DLGAP2: variants seen among roughly 807,000 people sequenced by gnomAD.
DLGAP2 encodes the protein disks large-associated protein 2.
A neutral mutation model predicts 100.3 loss-of-function variants in DLGAP2; 26 were observed. The observed-to-expected ratio is 0.26, with a 90% confidence interval of 0.19 to 0.36. The LOEUF is 0.36. Ranked by LOEUF, DLGAP2 falls within the 10% of genes least tolerant of loss-of-function variation. The pLI is 1.00. For synonymous variants in DLGAP2, 886 were observed against 630.1 expected (o/e 1.41, Z -6.08); for missense variants, 1,858 against 1,453.2 (o/e 1.28, Z -4.53).
chr8:1,129,841 C>T (rs545980756), intron 2 of DLGAP2, among the ~76,000 whole-genome samples: 18 of 152,154 alleles, frequency 1.2e-4, no homozygotes, highest in South Asian at 4.1e-4. Context: ...ACTCTGCAGT[C>T]AGCAACCGTG....
chr8:852,946 C>T (rs1271928284), intron 1 of DLGAP2, among the ~76,000 whole-genome samples: 1 of 152,252 alleles, frequency 6.6e-6, no homozygotes, highest in Non-Finnish European at 1.5e-5. Context: ...TTATGTGCAG[C>T]ATGACGCTGG....
intron 1 of DLGAP2, among the ~76,000 whole-genome samples, chr8:883,969 C>T (rs1211697783): frequency 1.3e-5 from 2 of 152,214 alleles, no homozygotes; most frequent in Non-Finnish European, 2.9e-5. Context: ...AGGACATGAT[C>T]TCTTTGCTTT....
intron 3 of DLGAP2, among the ~76,000 whole-genome samples, chr8:1,454,556 A>G (rs1274751926): frequency 6.6e-6 from 1 of 152,056 alleles, no homozygotes; most frequent in Non-Finnish European, 1.5e-5. Context: ...GTTGAAATCG[A>G]CCAATGTGAG....
At chr8:907,047 C>T (rs1704881500) in intron 1 of DLGAP2, among the ~76,000 whole-genome samples, 1 of 152,178 alleles carries the variant, frequency 6.6e-6, no homozygotes, top group Non-Finnish European at 1.5e-5. Flanking sequence ...CTGCTCTATA[C>T]TCAGCCAGAC....
chr8:1,638,894 C>G (rs1035825689), intron 8 of DLGAP2, among the ~76,000 whole-genome samples: 2 of 152,236 alleles, frequency 1.3e-5, no homozygotes, highest in African/African-American at 4.8e-5. Flanking sequence ...GTTGTCTCCT[C>G]CTGCTGAAGC....
chr8:1,494,516 G>T (rs912539025), intron 3 of DLGAP2, among the ~76,000 whole-genome samples: 2 of 152,176 alleles, frequency 1.3e-5, no homozygotes, highest in Non-Finnish European at 2.9e-5. Flanking sequence ...GGATCACGAG[G>T]TCAGGAGTTT....
intron 4 of DLGAP2, among the ~76,000 whole-genome samples, chr8:1,530,884 T>G (rs1353266455): frequency 6.6e-6 from 1 of 152,214 alleles, no homozygotes; most frequent in Non-Finnish European, 1.5e-5. Flanking sequence ...AGAGACTGTT[T>G]CCTATGTGTG....
chr8:1,126,460 A>T (rs1457338003), intron 2 of DLGAP2, among the ~76,000 whole-genome samples: 2 of 151,696 alleles, frequency 1.3e-5, no homozygotes, highest in African/African-American at 4.8e-5. Context: ...AGACACAGGC[A>T]GATGAGGAGG....
chr8:1,523,712 A>T lies in DLGAP2; in HGVS notation c.172+22281A>T, dbSNP rs151090397. On this transcript the variant is annotated intron_variant, in intron 4 of 14. Transcript: ENST00000637795. Reference sequence around the variant, plus strand: ...ATTTTTGTCAATTATGGCACTAATCATGTCCTTTTACTAGAGATCCCGCAG... The same window carrying T: ...ATTTTTGTCAATTATGGCACTAATCTTGTCCTTTTACTAGAGATCCCGCAG... Among the ~76,000 whole-genome samples, 271 of 152,292 alleles carry T rather than the reference A, an allele frequency of 1.8e-3. 2 individuals carry two copies. Among genetic ancestry groups the T allele is most frequent in the African/African-American group, 5.0e-3 (206 of 41,568 alleles).
At chr8:956,300 T>C (rs115104785) in intron 2 of DLGAP2, among the ~76,000 whole-genome samples, 2,172 of 152,298 alleles carry the variant, frequency 0.014, 62 homozygotes, top group African/African-American at 0.05. Context: ...GCTCAAAAGC[T>C]GCTTGGCAAG....
intron 3 of DLGAP2, among the ~76,000 whole-genome samples, chr8:1,465,786 C>G (rs1481715353): frequency 6.6e-6 from 1 of 152,218 alleles, no homozygotes; most frequent in Non-Finnish European, 1.5e-5. Flanking sequence ...TGTTCAGACT[C>G]TTCCCGGCCC....
At chr8:1,096,849 G>A (rs972769252) in intron 2 of DLGAP2, among the ~76,000 whole-genome samples, 1 of 142,338 alleles carries the variant, frequency 7.0e-6, no homozygotes, top group Non-Finnish European at 1.5e-5. Flanking sequence ...TGGGAGCCCG[G>A]GGCAGGCCTT....
chr8:846,860 G>A lies in DLGAP2; in HGVS notation c.19-61052G>A, dbSNP rs148187489. On this transcript the variant is annotated intron_variant, in intron 1 of 14. Coordinates refer to ENST00000637795, the MANE Select transcript of DLGAP2 (RefSeq NM_001346810.2). Reference sequence around the variant, plus strand: ...TTGCATTTTCCCAGTGATGAGTGATGTTGAGCACATCCATGTCTGGCTTGC... The same window carrying A: ...TTGCATTTTCCCAGTGATGAGTGATATTGAGCACATCCATGTCTGGCTTGC... Among the ~76,000 whole-genome samples, 6 of 152,308 alleles carry A rather than the reference G, an allele frequency of 3.9e-5. No homozygotes were observed. The East Asian group carries it at 1.2e-3, about 29-fold the overall frequency.
At chr8:1,336,433 G>T (rs188268709) in intron 3 of DLGAP2, among the ~76,000 whole-genome samples, 11 of 152,112 alleles carry the variant, frequency 7.2e-5, no homozygotes, top group Non-Finnish European at 1.2e-4. Flanking sequence ...AGAACCGGCC[G>T]GTAGAAGTCT....
chr8:1,182,828 G>A (rs1054843300), intron 2 of DLGAP2, among the ~76,000 whole-genome samples: 10 of 152,198 alleles, frequency 6.6e-5, no homozygotes, highest in African/African-American at 1.9e-4. Flanking sequence ...GGGCAGTGGC[G>A]CGTGGGGGAC....
intron 3 of DLGAP2, among the ~76,000 whole-genome samples, chr8:1,366,951 G>A (rs1802122520): frequency 6.6e-6 from 1 of 151,876 alleles, no homozygotes; most frequent in African/African-American, 2.4e-5. Context: ...CATTTACATG[G>A]CAACCCCTCC....
intron 1 of DLGAP2, among the ~76,000 whole-genome samples, chr8:846,195 A>G (rs953452894): frequency 6.6e-6 from 1 of 152,178 alleles, no homozygotes; most frequent in Non-Finnish European, 1.5e-5. Context: ...ATTATTGTTA[A>G]CTCCAGTCAT....
intron 1 of DLGAP2, among the ~76,000 whole-genome samples, chr8:748,690 T>A (rs1406085647): frequency 1.3e-5 from 2 of 152,198 alleles, no homozygotes; most frequent in Non-Finnish European, 2.9e-5. Flanking sequence ...GAGGAGCTCG[T>A]GGTGGCACAC....
intron 5 of DLGAP2, among the ~76,000 whole-genome samples, chr8:1,557,588 G>T (rs964686681): frequency 6.6e-6 from 1 of 152,104 alleles, no homozygotes; most frequent in Non-Finnish European, 1.5e-5. Context: ...GGTGGTGCGT[G>T]AGTCAGCTCG....
Sources: allele counts gnomAD v4.1 joint callset (sites outside exome capture counted in the v4.1 genomes callset), GRCh38; gene constraint gnomAD v4.1.1; transcripts MANE v1.5; gene names NCBI Gene and HGNC (gene_info 2026-07-23, HGNC 2026-07-21).